ICAM2: variants seen among roughly 807,000 people sequenced by gnomAD.
ICAM2 encodes the protein ICAM-2.
In ICAM2, 14 loss-of-function variants were observed where a neutral mutation model predicts 19.1. That is an observed-to-expected ratio of 0.73 (90% CI 0.48 to 1.15). The LOEUF (loss-of-function observed/expected upper bound fraction) is 1.15. Among genes scored for constraint, ICAM2 ranks in the 50% most tolerant of loss-of-function variants. ICAM2 has a pLI of 0.00. For missense variants in ICAM2, 311 were observed against 355.4 expected, an observed-to-expected ratio of 0.88 and a Z score of 1.00; for synonymous variants, 153 against 152.7, an observed-to-expected ratio of 1.00 and a Z score of -0.01.
chr17:64,013,640 A>G (rs980729784), intron 1 of ICAM2, among the ~76,000 whole-genome samples: 2 of 152,236 alleles, frequency 1.3e-5, no homozygotes, highest in Admixed American at 1.3e-4. Flanking sequence ...AAACACCAAA[A>G]GAAAGCTTGG....
At chr17:64,016,560 T>C (rs1165479578) in intron 1 of ICAM2, among the ~76,000 whole-genome samples, 1 of 152,226 alleles carries the variant, frequency 6.6e-6, no homozygotes, top group Non-Finnish European at 1.5e-5. Flanking sequence ...CCTTACCCAG[T>C]TGGGGAACAG....
intron 1 of ICAM2, among the ~76,000 whole-genome samples, chr17:64,018,953 C>G (rs2143259097): frequency 6.6e-6 from 1 of 152,098 alleles, no homozygotes; most frequent in Non-Finnish European, 1.5e-5. Context: ...ATCTCTTGAC[C>G]TCATGATCCT....
At chr17:64,013,040 T>A (rs1911516800) in intron 1 of ICAM2, among the ~76,000 whole-genome samples, 1 of 152,054 alleles carries the variant, frequency 6.6e-6, no homozygotes, top group South Asian at 2.1e-4. Flanking sequence ...AAGCTGAGTG[T>A]GGTGGCTTAT....
chr17:64,005,860 G>C (rs1441899442), intron 2 of ICAM2: 2 of 172,448 alleles, frequency 1.2e-5, no homozygotes, highest in South Asian at 2.8e-4. Context: ...AGTGATCACA[G>C]TAGACCAAAC....
intron 4 of ICAM2, chr17:64,003,164 C>T: frequency 1.9e-6 from 1 of 530,516 alleles, no homozygotes; most frequent in Non-Finnish European, 3.4e-6. Context: ...GCTGTGAGGG[C>T]AGATGTCCCC....
In ICAM2 at chr17:64,002,861, G is replaced by A. The variant is rs202007015; in HGVS notation, c.714C>T (p.Phe238=). The change falls in exon 5 of 5, where the codon TTC becomes TTT. Residue 238 remains phenylalanine (F), a synonymous_variant. Coordinates refer to ENST00000579788, the MANE Select transcript of ICAM2 (RefSeq NM_001099789.2). ...TGAAGCAGAGCAGGACAGATGTCAC[G>A]AACAGGGACAGCAACACCGACACCA... ...VTVVSVLLSL[F]VTSVLLCFIF... 1.8e-5 allele frequency: 29 copies of A among 1,613,836 alleles called. No homozygotes were observed. The highest frequency in any genetic ancestry group is 5.5e-5 in the South Asian group (5 of 91,074).
At chr17:64,006,509 A>G (rs1240165353) in intron 2 of ICAM2, 122 bp downstream of exon 2, 6 of 797,364 alleles carry the variant, frequency 7.5e-6, no homozygotes, top group Non-Finnish European at 1.2e-5. Flanking sequence ...AACAAAACAA[A>G]AAAACCTAAG....
intron 1 of ICAM2, among the ~76,000 whole-genome samples, chr17:64,014,561 AAG>A (rs1010999763): frequency 3.7e-5 from 5 of 135,940 alleles, no homozygotes; most frequent in Admixed American, 7.1e-5. Context: ...GGAAGAAAGA[AAG>A]AGAGAGAGAA....
chr17:64,005,878 T>G, intron 2 of ICAM2: 1 of 161,928 alleles, frequency 6.2e-6, no homozygotes, highest in Non-Finnish European at 1.4e-5. Flanking sequence ...AACACTGCCC[T>G]GGCGGAGCTC....
intron 1 of ICAM2, chr17:64,007,716 C>T (rs947423364): frequency 6.6e-6 from 1 of 152,326 alleles, no homozygotes; most frequent in Non-Finnish European, 1.5e-5. Flanking sequence ...CACCCCCAAA[C>T]CATGGCCTTC....
chr17:64,003,924 CAA>C lies in ICAM2; in HGVS notation c.367_368del (p.Leu123GlyfsTer10). 1 of 1,613,952 alleles carries C rather than the reference CAA, an allele frequency of 6.2e-7. No individual in the cohort carries two copies. Among genetic ancestry groups the C allele is most frequent in the Non-Finnish European group, 8.5e-7 (1 of 1,179,930 alleles). Reference sequence around the variant, plus strand: ...TGGTGAAGGACTTGCCCACAGCCACCAAAGTGGGTTGCAGTGTCAGGATGACC... The same window carrying C: ...TGGTGAAGGACTTGCCCACAGCCACCAGTGGGTTGCAGTGTCAGGATGACC... ...RQVILTLQPTLVAVGKSFTIE... is the reference protein window; with the variant it reads ...RQVILTLQPTXVAVGKSFTIE... On this transcript the variant is annotated frameshift_variant, in exon 4 of 5. Coordinates refer to ENST00000579788, the MANE Select transcript of ICAM2 (RefSeq NM_001099789.2). LOFTEE classifies it high-confidence loss of function.
intron 2 of ICAM2, among the ~76,000 whole-genome samples, chr17:64,005,596 C>G (rs569296706): frequency 2.6e-5 from 4 of 152,178 alleles, no homozygotes; most frequent in Non-Finnish European, 5.9e-5. Context: ...CCTCCAGCCC[C>G]CTAGCTGACA....
chr17:64,019,692 T>C (rs1196765836), intron 1 of ICAM2, among the ~76,000 whole-genome samples: 1 of 151,820 alleles, frequency 6.6e-6, no homozygotes, highest in Non-Finnish European at 1.5e-5. Flanking sequence ...CATGCGCACC[T>C]GTAGTCCCAG....
At chr17:64,019,328 T>C (rs1381116055) in intron 1 of ICAM2, among the ~76,000 whole-genome samples, 2 of 152,052 alleles carry the variant, frequency 1.3e-5, no homozygotes, top group Non-Finnish European at 2.9e-5. Flanking sequence ...GAGGTTGTAG[T>C]GTGCTATGAT....
At chr17:64,017,696 T>C (rs1457425609) in intron 1 of ICAM2, among the ~76,000 whole-genome samples, 2 of 152,156 alleles carry the variant, frequency 1.3e-5, no homozygotes, top group African/African-American at 4.8e-5. Context: ...TTCTGTAAAA[T>C]ATGGTGTTAG....
At position 64,005,210 on chromosome 17, in the gene ICAM2, C is replaced by G; in HGVS notation, c.225G>C (p.Trp75Cys). 6.2e-7 allele frequency: 1 copy of G among 1,614,156 alleles called. No individual in the cohort carries two copies. Residue 75 changes from tryptophan to cysteine, a missense_variant, in exon 3 of 5, where the codon TGG (tryptophan) becomes TGC (cysteine). Trp to Cys is a radical substitution (Grantham distance 215). Transcript: ENST00000579788. ...DKILLDEQAQ[W>C]KHYLVSNISH... ...AGATGTTTGAGACCAAGTAATGTTT[C>G]CACTGAGCCTGTTCGTCCAGCAGAA...
Position 64,003,795 on chromosome 17 carries a change from A to G in ICAM2, c.498T>C (p.Pro166=). ...LHYETFGKAA[P]APQEATATFN... is the part of the protein sequence containing the mutation. ...ATGTGGCTGTGGCCTCCTGCGGAGCAGGGGCTGCCTTCCCGAAGGTCTCAT... is the reference window on the plus strand; with the variant it reads ...ATGTGGCTGTGGCCTCCTGCGGAGCGGGGGCTGCCTTCCCGAAGGTCTCAT... The change falls in exon 4 of 5, where the codon CCT becomes CCC. Residue 166 remains proline, a synonymous_variant. Transcript: ENST00000579788. 1.2e-6 allele frequency: 2 copies of G among 1,614,258 alleles called. No individual in the cohort carries two copies. Among genetic ancestry groups the G allele is most frequent in the South Asian group, 1.1e-5 (1 of 91,092 alleles).
At chr17:64,014,380 G>GAAAGAAAGAAAGAAAGAAAGA (rs375928178) in intron 1 of ICAM2, among the ~76,000 whole-genome samples, 2 of 15,608 alleles carry the variant, frequency 1.3e-4, no homozygotes, top group African/African-American at 3.8e-4. Flanking sequence ...AGAAAGAAAG[G>GAAAGAAAGAAAGAAAGAAAGA]AAGGAAGGAA....
intron 3 of ICAM2, chr17:64,004,674 T>G (rs1911081165): frequency 3.8e-6 from 1 of 260,472 alleles, no homozygotes; most frequent in South Asian, 5.0e-5. Context: ...GCAGGTGGAG[T>G]GTGATGGCCA....
Sources: allele counts gnomAD v4.1 joint callset (sites outside exome capture counted in the v4.1 genomes callset), GRCh38; gene constraint gnomAD v4.1.1; transcripts MANE v1.5; gene names NCBI Gene and HGNC (gene_info 2026-07-23, HGNC 2026-07-21).